MYH16: variants seen among roughly 807,000 people sequenced by gnomAD.
MYH16 encodes myosin heavy chain 16.
intron 1 of MYH16, among the ~76,000 whole-genome samples, chr7:99,239,935 C>A (rs755468241): frequency 5.3e-5 from 8 of 152,076 alleles, no homozygotes; most frequent in Admixed American, 1.3e-4. Context: ...GTAATCCCAG[C>A]ACTTTGGGAG....
intron 23 of MYH16, among the ~76,000 whole-genome samples, 193 bp downstream of exon 5, chr7:99,281,173 C>A (rs1057321747): frequency 3.7e-4 from 57 of 152,164 alleles, no homozygotes; most frequent in African/African-American, 1.3e-3. Flanking sequence ...CCCCTTGCTG[C>A]CTTCCTTCCA....
At chr7:99,275,356 T>C (rs1337391680) in intron 20 of MYH16, among the ~76,000 whole-genome samples, 8 of 152,102 alleles carry the variant, frequency 5.3e-5, no homozygotes, top group African/African-American at 2.4e-5. Context: ...AGTCTCAAAC[T>C]CCTGATCTCA....
rs1181411615 is a variant in MYH16, at chr7:99,267,760, G to A, written n.2266+786G>A. Reference sequence around the variant, plus strand: ...TTCCTGGCCCTGCAGCATCCTGGTGGGGTTGTAAAGGCTAGCCAGGCCAGT... The same window carrying A: ...TTCCTGGCCCTGCAGCATCCTGGTGAGGTTGTAAAGGCTAGCCAGGCCAGT... On this transcript the variant is annotated intron_variant and non_coding_transcript_variant, in intron 18 of 41. Coordinates refer to ENST00000439784, the Ensembl canonical transcript of MYH16. Among the ~76,000 whole-genome samples, 7 of 152,120 alleles carry A rather than the reference G, an allele frequency of 4.6e-5. No homozygotes were observed. The East Asian group carries it at 5.8e-4, about 13-fold the overall frequency.
At chr7:99,244,363 G>A (rs1290103109) in intron 2 of MYH16, among the ~76,000 whole-genome samples, 1 of 152,248 alleles carries the variant, frequency 6.6e-6, no homozygotes, top group Non-Finnish European at 1.5e-5. Context: ...AGTCCCCTGA[G>A]TGTCTTTGAA....
chr7:99,283,825 C>T (rs1181375972), intron 24 of MYH16, 48 bp from the exon 7 acceptor site: 1 of 441,582 alleles, frequency 2.3e-6, no homozygotes, highest in Non-Finnish European at 4.6e-6. Flanking sequence ...TGCCTTCTGA[C>T]CTCAGACTCT....
intron 28 of MYH16, among the ~76,000 whole-genome samples, chr7:99,287,614 A>G (rs1357183197): frequency 6.6e-6 from 1 of 151,384 alleles, no homozygotes; most frequent in African/African-American, 2.4e-5. Flanking sequence ...AACTGGCTCC[A>G]TCTACAAAGA....
chr7:99,306,671 T>G, exon 42 of MYH16: 1 of 152,914 alleles, frequency 6.5e-6, no homozygotes, highest in Non-Finnish European at 1.5e-5. Context: ...TGGATGACGC[T>G]GAGGACCGGG....
At chr7:99,281,501 G>T (rs1184001395) in intron 23 of MYH16, among the ~76,000 whole-genome samples, 3 of 152,194 alleles carry the variant, frequency 2.0e-5, no homozygotes, top group Admixed American at 2.0e-4. Flanking sequence ...GTTGCAGGTT[G>T]CAGTGAGCCA....
intron 33 of MYH16, among the ~76,000 whole-genome samples, chr7:99,295,476 A>G (rs767936681): frequency 2.0e-5 from 3 of 152,144 alleles, no homozygotes; most frequent in Non-Finnish European, 2.9e-5. Context: ...AACTATTCCT[A>G]TTTGCATCCC....
At chr7:99,240,411 C>G (rs1292454194) in intron 1 of MYH16, among the ~76,000 whole-genome samples, 1 of 152,088 alleles carries the variant, frequency 6.6e-6, no homozygotes, top group Non-Finnish European at 1.5e-5. Context: ...TCTGCTCCCT[C>G]CAAACCGCCT....
At chr7:99,239,279 C>T (rs1021355432) in intron 1 of MYH16, among the ~76,000 whole-genome samples, 4 of 152,240 alleles carry the variant, frequency 2.6e-5, no homozygotes, top group African/African-American at 9.6e-5. Context: ...ACTTCATAGA[C>T]TCTAAGACAG....
At chr7:99,297,045 C>A (rs1792509878) in intron 34 of MYH16, 128 bp downstream of exon 15, 1 of 368,550 alleles carries the variant, frequency 2.7e-6, no homozygotes, top group Admixed American at 3.3e-5. Context: ...TGTTGACTTT[C>A]TAGCAAGTGC....
chr7:99,273,815 CAG>C lies in MYH16; in HGVS notation n.2485+397_2485+398del, dbSNP rs576222054. On this transcript the variant is annotated intron_variant and non_coding_transcript_variant, in intron 20 of 41. Coordinates refer to ENST00000439784, the Ensembl canonical transcript of MYH16. ...AAGGAAGGGAGAGAGGAAAGGAAGA[CAG>C]AGAGGAAAGGAAGGGAGAGAGGAAA... 1.1e-4 allele frequency among the ~76,000 whole-genome samples: 11 copies of C among 101,306 alleles called. No homozygotes were observed. In the South Asian group the frequency reaches 3.3e-3, roughly 30 times the overall value. The allele number at this position is 101,306 out of a possible 152,430, so 66.5% of individuals were successfully genotyped here. A position where few individuals can be genotyped will look rare whatever the true frequency, so the allele number is the denominator to read the frequency against.
intron 12 of MYH16, chr7:99,260,579 G>A (rs1042830330): frequency 3.9e-6 from 1 of 258,552 alleles, no homozygotes; most frequent in Non-Finnish European, 7.7e-6. Flanking sequence ...TGGGGGAGGG[G>A]ATACTTTTAT....
intron 9 of MYH16, among the ~76,000 whole-genome samples, chr7:99,256,472 A>C (rs925189001): frequency 9.2e-5 from 14 of 151,730 alleles, no homozygotes; most frequent in Non-Finnish European, 1.8e-4. Flanking sequence ...CTATCTCAAA[A>C]AAAATAAAAT....
intron 15 of MYH16, among the ~76,000 whole-genome samples, chr7:99,264,466 T>C (rs879306426): frequency 1.3e-5 from 2 of 152,180 alleles, no homozygotes; most frequent in South Asian, 2.1e-4. Flanking sequence ...CATAGGATCA[T>C]TGGGCAGAAG....
At chr7:99,295,834 TGG>T (rs1491379840) in intron 33 of MYH16, among the ~76,000 whole-genome samples, 1 of 95,508 alleles carries the variant, frequency 1.0e-5, no homozygotes, top group African/African-American at 5.5e-5. Context: ...CCTCATCTCT[TGG>T]AAAAAAAAAA....
intron 11 of MYH16, among the ~76,000 whole-genome samples, chr7:99,258,959 T>C (rs761342197): frequency 2.6e-5 from 4 of 152,056 alleles, no homozygotes; most frequent in African/African-American, 7.2e-5. Context: ...CTTACGATCA[T>C]GGTGAAAGGC....
chr7:99,308,977 G>A (rs1792720414), downstream of MYH16, among the ~76,000 whole-genome samples: 1 of 152,140 alleles, frequency 6.6e-6, no homozygotes, highest in African/African-American at 2.4e-5. Flanking sequence ...CATGGAAAAT[G>A]CTTTTCACTC....
Sources: gnomAD v4.1 joint callset for allele counts (sites outside exome capture counted in the v4.1 genomes callset) on GRCh38, gnomAD v4.1.1 for gene constraint, MANE v1.5 for transcripts, NCBI Gene and HGNC (gene_info 2026-07-23, HGNC 2026-07-21) for gene names.